The following BBX variants were observed in gnomAD, a reference collection of about 807,000 sequenced individuals.
The protein encoded by BBX is HMG box transcription factor BBX.
In BBX, 30 loss-of-function variants were observed where a neutral mutation model predicts 100.2. The ratio of observed to expected loss-of-function variants is 0.30; its 90% CI spans 0.22 to 0.41. The LOEUF (loss-of-function observed/expected upper bound fraction) is 0.41, where lower values mean the gene tolerates loss of function less well. BBX is among the 10% of genes least tolerant of loss of function. The pLI is 1.00. For missense variants in BBX, 1,023 were observed against 1,129.8 expected, an observed-to-expected ratio of 0.91 and a Z score of 1.35; for synonymous variants, 376 against 388.1, an observed-to-expected ratio of 0.97 and a Z score of 0.37.
At chr3:107,536,349 T>A (rs2048490087) in intron 2 of BBX, among the ~76,000 whole-genome samples, 1 of 152,242 alleles carries the variant, frequency 6.6e-6, no homozygotes, top group African/African-American at 2.4e-5. Context: ...ATATGGAAGA[T>A]TAAAAGTTTG....
At chr3:107,568,943 T>C (rs1337427215) in intron 2 of BBX, among the ~76,000 whole-genome samples, 1 of 152,210 alleles carries the variant, frequency 6.6e-6, no homozygotes, top group Non-Finnish European at 1.5e-5. Flanking sequence ...CACACAGAGC[T>C]CTGTTCAGAT....
chr3:107,655,950 T>G (rs565720407), intron 3 of BBX, among the ~76,000 whole-genome samples: 22 of 152,268 alleles, frequency 1.4e-4, no homozygotes, highest in African/African-American at 5.1e-4. Context: ...TCCGCCCATC[T>G]TGGCCTTCCA....
At chr3:107,622,258 C>T (rs1315431599) in intron 2 of BBX, among the ~76,000 whole-genome samples, 4 of 152,144 alleles carry the variant, frequency 2.6e-5, no homozygotes, top group Admixed American at 6.6e-5. Context: ...CACATTGTTG[C>T]TTTATATCAA....
At chr3:107,700,355 A>C (rs2060942454) in intron 3 of BBX, among the ~76,000 whole-genome samples, 1 of 151,294 alleles carries the variant, frequency 6.6e-6, no homozygotes, top group African/African-American at 2.4e-5. Flanking sequence ...GGGAGGGTTC[A>C]GGAAAATTAA....
intron 15 of BBX, among the ~76,000 whole-genome samples, chr3:107,796,040 G>A (rs1238234636): frequency 1.3e-5 from 2 of 152,162 alleles, no homozygotes; most frequent in East Asian, 3.8e-4. Context: ...TCTGATGGTA[G>A]CCTATGTAGC....
chr3:107,680,099 G>A (rs912201561), intron 3 of BBX, among the ~76,000 whole-genome samples: 10 of 152,126 alleles, frequency 6.6e-5, no homozygotes, highest in African/African-American at 2.4e-4. Flanking sequence ...AAGTGTTACT[G>A]TGGCCAGAAG....
At chr3:107,604,151 C>T (rs925800701) in intron 2 of BBX, among the ~76,000 whole-genome samples, 1 of 152,116 alleles carries the variant, frequency 6.6e-6, no homozygotes, top group Non-Finnish European at 1.5e-5. Context: ...GGGGCCTGGG[C>T]ATTGATAGTT....
intron 1 of BBX, chr3:107,524,623 G>GC (rs1326508051): frequency 2.1e-5 from 3 of 144,278 alleles, no homozygotes; most frequent in Non-Finnish European, 4.6e-5. Flanking sequence ...GAGGGGGGGG[G>GC]GGGGAGAGGG....
At chr3:107,605,193 A>G (rs1256350424) in intron 2 of BBX, among the ~76,000 whole-genome samples, 2 of 152,202 alleles carry the variant, frequency 1.3e-5, no homozygotes, top group African/African-American at 4.8e-5. Flanking sequence ...TATTTTGCAA[A>G]TGAGCAGGTG....
chr3:107,768,392 CAT>C (rs777013090), intron 10 of BBX, among the ~76,000 whole-genome samples: 11 of 152,146 alleles, frequency 7.2e-5, no homozygotes, highest in Non-Finnish European at 1.2e-4. Flanking sequence ...TTAGAAAAAA[CAT>C]TCTTAGGTTG....
rs1262042398 is a variant in BBX at position 107,635,610 on chromosome 3, A to G, written c.-83-10226A>G. Among the ~76,000 whole-genome samples the G allele has an allele frequency of 3.3e-5, 5 of 152,328 alleles. No individual in the cohort carries two copies. The South Asian group carries it at 8.3e-4, about 25-fold the overall frequency. On this transcript the variant is annotated intron_variant, in intron 2 of 17. Coordinates refer to ENST00000325805, the MANE Select transcript of BBX (RefSeq NM_001142568.3). The stretch of plus-strand genomic sequence containing the variant: ...TACTGAATATCATCATGTGCCAAAA[A>G]TTTTGAATAAAGTCACTGAAATTAG...
At chr3:107,648,175 A>C (rs1576164378) in intron 3 of BBX, among the ~76,000 whole-genome samples, 2 of 152,196 alleles carry the variant, frequency 1.3e-5, no homozygotes, top group East Asian at 3.8e-4. Context: ...TAATCTGTTT[A>C]ACATGTCAAA....
chr3:107,615,812 T>C (rs141657076), intron 2 of BBX, among the ~76,000 whole-genome samples: 1 of 152,216 alleles, frequency 6.6e-6, no homozygotes, highest in African/African-American at 2.4e-5. Flanking sequence ...AGAAGAGTGG[T>C]ACGGGCTTAA....
At chr3:107,694,564 A>T (rs1298058082) in intron 3 of BBX, among the ~76,000 whole-genome samples, 3 of 146,458 alleles carry the variant, frequency 2.0e-5, no homozygotes, top group Non-Finnish European at 3.0e-5. Context: ...CATGGTGGAT[A>T]AGCTTTTTGA....
intron 3 of BBX, among the ~76,000 whole-genome samples, chr3:107,691,805 G>A (rs2060186679): frequency 6.6e-6 from 1 of 152,202 alleles, no homozygotes; most frequent in African/African-American, 2.4e-5. Flanking sequence ...TTTAGTAAAT[G>A]GTGAGTCTAA....
chr3:107,800,029 G>A (rs539238129), intron 16 of BBX, among the ~76,000 whole-genome samples: 118 of 152,274 alleles, frequency 7.7e-4, no homozygotes, highest in African/African-American at 2.6e-3. Context: ...TTAGAGGACA[G>A]TTTATGAATT....
intron 2 of BBX, among the ~76,000 whole-genome samples, chr3:107,634,652 G>A (rs754312842): frequency 6.6e-6 from 1 of 152,278 alleles, no homozygotes; most frequent in African/African-American, 2.4e-5. Flanking sequence ...GGAATCCAAA[G>A]TGTGTTACTA....
At chr3:107,699,012 C>A (rs1346758399) in intron 3 of BBX, among the ~76,000 whole-genome samples, 1 of 151,730 alleles carries the variant, frequency 6.6e-6, no homozygotes, top group Non-Finnish European at 1.5e-5. Context: ...AGGGAACAGT[C>A]CTAGAACTCA....
chr3:107,664,299 T>C (rs939528545), intron 3 of BBX, among the ~76,000 whole-genome samples: 9 of 152,148 alleles, frequency 5.9e-5, no homozygotes, highest in Admixed American at 4.6e-4. Context: ...TGGATTTCCA[T>C]AGAACTTGTT....
Sources: gnomAD v4.1 joint callset for allele counts (sites outside exome capture counted in the v4.1 genomes callset) on GRCh38, gnomAD v4.1.1 for gene constraint, MANE v1.5 for transcripts, NCBI Gene and HGNC (gene_info 2026-07-23, HGNC 2026-07-21) for gene names.